PPP2R3A: variants seen among roughly 807,000 people sequenced by gnomAD.
PPP2R3A encodes the protein protein phosphatase 2 regulatory subunit B''alpha.
In PPP2R3A, 80 loss-of-function variants were observed where a neutral mutation model predicts 106.9. The ratio of observed to expected loss-of-function variants is 0.75; its 90% CI spans 0.62 to 0.90. PPP2R3A has a LOEUF of 0.90. PPP2R3A is among the 40% of genes least tolerant of loss of function. PPP2R3A has a pLI of 0.00. For missense variants in PPP2R3A, 1,386 were observed against 1,350.4 expected (o/e 1.03, Z -0.41); for synonymous variants, 483 against 468.3 (o/e 1.03, Z -0.41).
At position 136,145,528 on chromosome 3, in the gene PPP2R3A, G is replaced by A. The variant is rs1217572082; in HGVS notation, c.*362G>A. 1 of 154,702 alleles carries A rather than the reference G, an allele frequency of 6.5e-6. No homozygotes were observed. The highest frequency in any genetic ancestry group is 6.5e-5 in the Admixed American group (1 of 15,358). The allele number at this position is 154,702 out of a possible 1,614,324, so 9.6% of individuals were successfully genotyped here. A position where few individuals can be genotyped will look rare whatever the true frequency, so the allele number is the denominator to read the frequency against. The stretch of plus-strand genomic sequence containing the variant: ...GCTGGCATCCCTGAGTCCCCTCCGG[G>A]CTCCTATGGAGCCTAGAAGAAACCT... On this transcript the variant is annotated 3_prime_UTR_variant, in exon 14 of 14. Coordinates refer to ENST00000264977, the MANE Select transcript of PPP2R3A (RefSeq NM_002718.5).
chr3:136,082,490 T>C (rs571465145), intron 8 of PPP2R3A, 69 bp downstream of exon 8: 33 of 1,530,924 alleles, frequency 2.2e-5, no homozygotes, highest in Non-Finnish European at 2.9e-5. Flanking sequence ...CTACTCATTA[T>C]GAGAAATTCC....
Position 135,982,595 on chromosome 3 carries a change from A to G in PPP2R3A, c.-441+16746A>G, listed in dbSNP as rs536062211. Among the ~76,000 whole-genome samples the G allele has an allele frequency of 2.0e-5, 3 of 152,310 alleles. No homozygotes were observed. In the East Asian group the frequency reaches 5.8e-4, roughly 29 times the overall value. ...TGAACAACCTTGCTGGCTCTCTTACAGCAGATGAGTCTATTTATTCTCAAC... is the reference window on the plus strand; with the variant it reads ...TGAACAACCTTGCTGGCTCTCTTACGGCAGATGAGTCTATTTATTCTCAAC... On this transcript the variant is annotated intron_variant, in intron 1 of 13. Coordinates refer to ENST00000264977, the MANE Select transcript of PPP2R3A (RefSeq NM_002718.5).
intron 8 of PPP2R3A, among the ~76,000 whole-genome samples, chr3:136,086,396 C>T (rs184655080): frequency 2.0e-3 from 305 of 151,982 alleles, no homozygotes; most frequent in African/African-American, 6.6e-3. Flanking sequence ...GCAGGAGAAC[C>T]GCTTGAACCC....
intron 1 of PPP2R3A, among the ~76,000 whole-genome samples, chr3:135,986,698 T>C (rs2107767078): frequency 6.6e-6 from 1 of 152,276 alleles, no homozygotes; most frequent in East Asian, 1.9e-4. Context: ...CGCAGTAGTA[T>C]CCATATACTC....
At position 136,001,198 on chromosome 3, in the gene PPP2R3A, A is replaced by C. The variant is rs1933609563; in HGVS notation, c.-301A>C. 2.2e-6 allele frequency: 1 copy of C among 446,300 alleles called. No individual in the cohort carries two copies. Among genetic ancestry groups the C allele is most frequent in the Non-Finnish European group, 3.9e-6 (1 of 255,576 alleles). The allele number at this position is 446,300 out of a possible 1,614,324, so 27.6% of individuals were successfully genotyped here. ...TTCCATGTTATAGAACTGTTGAAGA[A>C]CTAAAAGAGGATATTCTTTCATCAA... On this transcript the variant is annotated 5_prime_UTR_variant, in exon 2 of 14. Transcript: ENST00000264977.
intron 10 of PPP2R3A, among the ~76,000 whole-genome samples, chr3:136,099,190 A>G (rs916130899): frequency 4.0e-5 from 6 of 151,032 alleles, no homozygotes; most frequent in South Asian, 2.1e-4. Flanking sequence ...ATCCCCAAGG[A>G]AAAAAACCAG....
Position 136,003,237 on chromosome 3 carries a change from G to A in PPP2R3A, c.1739G>A (p.Gly580Glu). Residue 580 changes from glycine (G) to glutamate (E), a missense_variant, in exon 2 of 14, where the codon GGA (glycine) becomes GAA (glutamate). By Grantham distance (98) the Gly-to-Glu change is moderately conservative. Transcript: ENST00000264977. ...CTAACAAGGATTATTGAAACCAATG[G>A]ACACAAAATAGAGGAAGAGGATCGA... ...SCLTRIIETN[G>E]HKIEEEDRAL... 1 of 1,613,910 alleles carries A rather than the reference G, an allele frequency of 6.2e-7. No homozygotes were observed. The highest frequency in any genetic ancestry group is 8.5e-7 in the Non-Finnish European group (1 of 1,179,896).
At position 136,147,394 on chromosome 3, in the gene PPP2R3A, C is replaced by T. The variant is rs1939180088; in HGVS notation, c.*2228C>T. 1 of 152,590 alleles carries T rather than the reference C, an allele frequency of 6.6e-6. No homozygotes were observed. The highest frequency in any genetic ancestry group is 2.1e-4 in the South Asian group (1 of 4,834). The allele number at this position is 152,590 out of a possible 1,614,324, so 9.5% of individuals were successfully genotyped here. A position where few individuals can be genotyped will look rare whatever the true frequency, so the allele number is the denominator to read the frequency against. ...AAAGTCTCTATTATAAAAGTACATC[C>T]ATCAATACCATTCCATTTAAAATGG... is the stretch of plus-strand genomic sequence containing the variant. On this transcript the variant is annotated 3_prime_UTR_variant, in exon 14 of 14. Transcript: ENST00000264977.
At chr3:136,004,633 G>A (rs1933780734) in intron 2 of PPP2R3A, among the ~76,000 whole-genome samples, 1 of 152,136 alleles carries the variant, frequency 6.6e-6, no homozygotes, top group Admixed American at 6.5e-5. Flanking sequence ...ACAAAAGCAA[G>A]TTGTAAAATA....
At chr3:136,144,076 G>A (rs1369319439) in intron 13 of PPP2R3A, among the ~76,000 whole-genome samples, 2 of 152,134 alleles carry the variant, frequency 1.3e-5, no homozygotes, top group East Asian at 1.9e-4. Context: ...CAATATTTCA[G>A]GCAGCCACAT....
intron 3 of PPP2R3A, among the ~76,000 whole-genome samples, chr3:136,031,861 A>G (rs1214011157): frequency 3.3e-5 from 5 of 152,160 alleles, no homozygotes; most frequent in African/African-American, 9.6e-5. Flanking sequence ...CCACTGGTCT[A>G]TGTGCCTATT....
chr3:136,082,982 G>A (rs1255571790), intron 8 of PPP2R3A, among the ~76,000 whole-genome samples: 2 of 152,128 alleles, frequency 1.3e-5, no homozygotes, highest in Non-Finnish European at 2.9e-5. Flanking sequence ...ATTTTTGCCA[G>A]CGGTAAATCT....
intron 10 of PPP2R3A, among the ~76,000 whole-genome samples, chr3:136,096,570 A>T (rs1210460161): frequency 1.3e-5 from 2 of 152,252 alleles, no homozygotes; most frequent in Non-Finnish European, 2.9e-5. Context: ...GCTAGATATC[A>T]TCTCCAGGAG....
intron 7 of PPP2R3A, chr3:136,079,123 AT>A: frequency 2.2e-6 from 1 of 447,138 alleles, no homozygotes; most frequent in Non-Finnish European, 4.5e-6. Flanking sequence ...CTTACTCTTT[AT>A]TTTTTCCTAT....
chr3:136,004,319 G>A (rs1235038694), intron 2 of PPP2R3A, among the ~76,000 whole-genome samples: 1 of 152,180 alleles, frequency 6.6e-6, no homozygotes, highest in Non-Finnish European at 1.5e-5. Context: ...GTTAGCAAGA[G>A]GCTCTGCTCT....
At chr3:136,042,984 T>G (rs1457917437) in intron 4 of PPP2R3A, among the ~76,000 whole-genome samples, 3 of 151,190 alleles carry the variant, frequency 2.0e-5, no homozygotes, top group African/African-American at 4.9e-5. Flanking sequence ...TTTTTTTTTG[T>G]AACATTTGCA....
At chr3:136,004,064 T>C (rs1475797788) in intron 2 of PPP2R3A, among the ~76,000 whole-genome samples, 9 of 152,188 alleles carry the variant, frequency 5.9e-5, no homozygotes, top group Non-Finnish European at 1.0e-4. Context: ...TCTGAAAGTA[T>C]TGTCATAACA....
intron 9 of PPP2R3A, among the ~76,000 whole-genome samples, 196 bp downstream of exon 9, chr3:136,088,127 A>G (rs1037626916): frequency 1.3e-5 from 2 of 152,318 alleles, no homozygotes; most frequent in Admixed American, 6.5e-5. Flanking sequence ...TTCAGGGGGT[A>G]CACGTGCAGG....
chr3:136,114,851 G>A (rs754898359), intron 13 of PPP2R3A, among the ~76,000 whole-genome samples: 10 of 152,130 alleles, frequency 6.6e-5, no homozygotes, highest in South Asian at 2.1e-4. Context: ...AACTGTGGGC[G>A]CAGCTTCAAA....
Sources: gnomAD v4.1 joint callset for allele counts (sites outside exome capture counted in the v4.1 genomes callset) on GRCh38, gnomAD v4.1.1 for gene constraint, MANE v1.5 for transcripts, NCBI Gene and HGNC (gene_info 2026-07-23, HGNC 2026-07-21) for gene names.